NEXMIF: variants seen among roughly 807,000 people sequenced by gnomAD.
NEXMIF encodes the protein XLMR protein related to neurite extension.
In NEXMIF, 8 loss-of-function variants were observed where a neutral mutation model predicts 62.1. That is an observed-to-expected ratio of 0.13 (90% CI 0.08 to 0.23). The LOEUF is 0.23. NEXMIF is among the 10% of genes least tolerant of loss of function. NEXMIF has a pLI of 1.00. For missense variants in NEXMIF, 976 were observed against 1,113.3 expected (o/e 0.88, Z 1.75); for synonymous variants, 404 against 416.6 (o/e 0.97, Z 0.37).
chrX:74,740,045 T>C (rs2080096578), intron 3 of NEXMIF, 55 bp downstream of exon 3: 1 of 1,082,013 alleles, frequency 9.2e-7, no homozygotes, highest in Non-Finnish European at 1.3e-6. Context: ...GCGGGCTTAG[T>C]AGGTAGTAGG....
intron 1 of NEXMIF, among the ~76,000 whole-genome samples, chrX:74,865,463 G>T (rs1179830192): frequency 1.8e-5 from 2 of 112,258 alleles, no homozygotes; most frequent in Non-Finnish European, 3.8e-5. Context: ...GAGCATAAAA[G>T]TTTGAAAAAC....
At chrX:74,884,030 C>T (rs4422922) in intron 1 of NEXMIF, among the ~76,000 whole-genome samples, 16,284 of 111,427 alleles carry the variant, frequency 0.15, 1,786 homozygotes, top group East Asian at 0.9. Flanking sequence ...CCCAGAATTT[C>T]ATATCCAGCC....
At chrX:74,921,264 C>G (rs761825718) in intron 1 of NEXMIF, among the ~76,000 whole-genome samples, 5 of 110,897 alleles carry the variant, frequency 4.5e-5, no homozygotes, top group Admixed American at 2.9e-4. Context: ...AAGGTCCTCA[C>G]GCCTACCTGT....
intron 1 of NEXMIF, among the ~76,000 whole-genome samples, chrX:74,755,816 T>C (rs1052891875): frequency 2.7e-5 from 3 of 112,183 alleles, no homozygotes; most frequent in Non-Finnish European, 3.8e-5. Context: ...AGAAGACCTG[T>C]CACTGCCAAA....
intron 1 of NEXMIF, among the ~76,000 whole-genome samples, chrX:74,851,772 C>T (rs2080514515): frequency 9.0e-6 from 1 of 111,336 alleles, no homozygotes; most frequent in South Asian, 3.7e-4. Flanking sequence ...TATCTACTAT[C>T]ACAAAAAGAC....
At chrX:74,917,494 C>A (rs970400273) in intron 1 of NEXMIF, among the ~76,000 whole-genome samples, 1 of 112,010 alleles carries the variant, frequency 8.9e-6, no homozygotes, top group East Asian at 2.8e-4. Flanking sequence ...AACTGCAAGG[C>A]GCAGATGTGG....
chrX:74,762,111 G>T (rs1341467469), intron 1 of NEXMIF, among the ~76,000 whole-genome samples: 1 of 81,892 alleles, frequency 1.2e-5, no homozygotes. Flanking sequence ...TGCTATCCCT[G>T]CCCCCTCCCC....
chrX:74,748,132 G>C (rs2080131523), intron 1 of NEXMIF, among the ~76,000 whole-genome samples: 2 of 112,270 alleles, frequency 1.8e-5, no homozygotes, highest in South Asian at 7.4e-4. Context: ...TAAAGAAGAG[G>C]TAGAGTGGGG....
chrX:74,765,477 C>T (rs984728094), intron 1 of NEXMIF, among the ~76,000 whole-genome samples: 7 of 111,737 alleles, frequency 6.3e-5, no homozygotes, highest in Non-Finnish European at 7.5e-5. Context: ...ATGTTGTTAG[C>T]TGGTTATTAT....
rs143453497 is a variant in NEXMIF at position 74,742,052 on chromosome X, G to A, written c.2505C>T (p.His835=). 86 of 1,210,221 alleles carry A rather than the reference G, an allele frequency of 7.1e-5. No homozygotes were observed. In the African/African-American group the frequency reaches 1.1e-3, roughly 15 times the overall value. ...SNNTSISYFS[H]HSPEQNEGSL... ...TGCCTTCATTTTGCTCTGGAGAATGGTGGCTGAAGTATGAGATACTAGTGT... is the reference window on the plus strand; with the variant it reads ...TGCCTTCATTTTGCTCTGGAGAATGATGGCTGAAGTATGAGATACTAGTGT... Residue 835 remains histidine (H), a synonymous_variant, in exon 3 of 4, where the codon CAC becomes CAT. Transcript: ENST00000055682.
chrX:74,906,239 C>A (rs2080769068), intron 1 of NEXMIF, among the ~76,000 whole-genome samples: 1 of 107,326 alleles, frequency 9.3e-6, no homozygotes, highest in Non-Finnish European at 1.9e-5. Flanking sequence ...TGCCATTGTA[C>A]TCCAGCTTGG....
In NEXMIF at chrX:74,744,555, C is replaced by G. The variant is rs2080119784; in HGVS notation, c.80-78G>C. On this transcript the variant is annotated intron_variant, in intron 2 of 3. Transcript: ENST00000055682. ...ACTCATTAACTCTCTTTCCCTTGAT[C>G]AGTTTCTGGTACTTGATCTTATTAT... 9.7e-6 allele frequency: 7 copies of G among 718,295 alleles called. No homozygotes were observed. In the East Asian group the frequency reaches 2.4e-4, roughly 25 times the overall value. The allele number at this position is 718,295 out of a possible 1,213,427, so 59.2% of individuals were successfully genotyped here.
chrX:74,763,808 A>G (rs2080185576), intron 1 of NEXMIF, among the ~76,000 whole-genome samples: 3 of 111,843 alleles, frequency 2.7e-5, no homozygotes, highest in Admixed American at 9.5e-5. Flanking sequence ...TAATTTTTGC[A>G]CATTGATTTT....
intron 1 of NEXMIF, among the ~76,000 whole-genome samples, chrX:74,832,530 A>T (rs2080441366): frequency 9.1e-6 from 1 of 110,191 alleles, no homozygotes; most frequent in Non-Finnish European, 1.9e-5. Flanking sequence ...TGTCAATTTT[A>T]TCTTCTCAAA....
chrX:74,888,148 G>A (rs1396189728), intron 1 of NEXMIF, among the ~76,000 whole-genome samples: 5 of 109,342 alleles, frequency 4.6e-5, no homozygotes, highest in Non-Finnish European at 9.5e-5. Context: ...GTGGGGTGGG[G>A]GCAGGGGGGA....
At chrX:74,768,907 G>A (rs915097398) in intron 1 of NEXMIF, among the ~76,000 whole-genome samples, 1 of 111,710 alleles carries the variant, frequency 9.0e-6, no homozygotes, top group Admixed American at 9.5e-5. Context: ...GAACACATTC[G>A]TACAGTCTGA....
In NEXMIF at chrX:74,752,179, A is replaced by G. The variant is rs2080146495; in HGVS notation, c.-47-6482T>C. Among the ~76,000 whole-genome samples the G allele has an allele frequency of 3.6e-5, 4 of 111,821 alleles. No individual in the cohort carries two copies. In the South Asian group the frequency reaches 1.5e-3, roughly 42 times the overall value. On this transcript the variant is annotated intron_variant, in intron 1 of 3. Coordinates refer to ENST00000055682, the MANE Select transcript of NEXMIF (RefSeq NM_001008537.3). ...AATTGACATGCAAGAATAAATTCTG[A>G]TTTAAGTTTTGTGTGATACTGAGAT... is the stretch of plus-strand genomic sequence containing the variant.
rs1417864291 is a variant in NEXMIF at position 74,743,176 on chromosome X, G to C, written c.1381C>G (p.Arg461Gly). The change falls in exon 3 of 4, where the codon CGC becomes GGC. Residue 461 changes from arginine (R) to glycine (G), a missense_variant. Arg to Gly is a moderately radical substitution (Grantham distance 125). This residue lies in a region of NEXMIF where 639 missense variants were observed against 694.5 expected (regional missense o/e 0.92). Coordinates refer to ENST00000055682, the MANE Select transcript of NEXMIF (RefSeq NM_001008537.3). ...DAMGEIKDCSRYMARDTNSGS... is the reference protein window; with the variant it reads ...DAMGEIKDCSGYMARDTNSGS... ...GAATTAGTGTCCCGAGCCATATAGCGACTACAGTCCTTGATCTCACCCATA... is the reference window on the plus strand; with the variant it reads ...GAATTAGTGTCCCGAGCCATATAGCCACTACAGTCCTTGATCTCACCCATA... 1 of 1,210,662 alleles carries C rather than the reference G, an allele frequency of 8.3e-7. No homozygotes were observed. Among genetic ancestry groups the C allele is most frequent in the Non-Finnish European group, 1.1e-6 (1 of 894,987 alleles).
At chrX:74,770,209 T>C (rs1482469658) in intron 1 of NEXMIF, among the ~76,000 whole-genome samples, 1 of 112,245 alleles carries the variant, frequency 8.9e-6, no homozygotes, top group Non-Finnish European at 1.9e-5. Flanking sequence ...ATTCTAGTTC[T>C]TACTCATTTT....
Sources: allele counts gnomAD v4.1 joint callset (sites outside exome capture counted in the v4.1 genomes callset), GRCh38; gene constraint gnomAD v4.1.1; regional missense constraint gnomAD v4.1.1; transcripts MANE v1.5; gene names NCBI Gene and HGNC (gene_info 2026-07-23, HGNC 2026-07-21).